RPH3AL: variants seen among roughly 807,000 people sequenced by gnomAD.
RPH3AL encodes the protein rab effector Noc2.
In RPH3AL, 38 loss-of-function variants were observed where a neutral mutation model predicts 43.1. The ratio of observed to expected loss-of-function variants is 0.88; its 90% CI spans 0.68 to 1.15. The LOEUF is 1.15. Ranked by LOEUF, RPH3AL falls within the 50% of genes most tolerant of loss-of-function variation. The probability of loss-of-function intolerance (pLI) is 0.00; values close to 1 mark genes in which losing one functional copy is unlikely to be tolerated. For missense variants in RPH3AL, 462 were observed against 423.2 expected, an observed-to-expected ratio of 1.09 and a Z score of -0.81; for synonymous variants, 189 against 176.3, an observed-to-expected ratio of 1.07 and a Z score of -0.57.
chr17:322,131 C>A lies in RPH3AL; in HGVS notation c.78-716G>T. The A allele has an allele frequency of 6.6e-6, 1 of 152,572 alleles. No individual in the cohort carries two copies. 9.5% of individuals were successfully genotyped at this position (152,572 alleles called of 1,614,324 possible). On this transcript the variant is annotated intron_variant, in intron 3 of 9. Coordinates refer to ENST00000331302, the MANE Select transcript of RPH3AL (RefSeq NM_006987.4). This position sits in a 1 kb window ranked among gnomAD's most constrained non-coding sequence, Gnocchi z 4.0. ...GGTGAGGGCAGGTGAGGGCGGGCAA[C>A]GGCGAGGCAGGGCTGGGACTGGGTC... is the stretch of plus-strand genomic sequence containing the variant.
intron 5 of RPH3AL, among the ~76,000 whole-genome samples, chr17:314,527 TG>T (rs201956209): frequency 1.7e-3 from 225 of 129,530 alleles, no homozygotes; most frequent in African/African-American, 6.6e-3. Flanking sequence ...GTAGTCCCTG[TG>T]ACTCCACCTC....
chr17:284,651 C>T lies in RPH3AL; in HGVS notation c.352-2797G>A, dbSNP rs955233033. On this transcript the variant is annotated intron_variant, in intron 5 of 9. Transcript: ENST00000331302. ...GGCCCGGCAGCCTCTCCATTGCACC[C>T]CACAGGTGCCCTCGCAGCCTGGCCT... Among the ~76,000 whole-genome samples, 6 of 152,260 alleles carry T rather than the reference C, an allele frequency of 3.9e-5. No homozygotes were observed. The East Asian group carries it at 9.7e-4, about 25-fold the overall frequency.
chr17:226,632 G>A (rs1449527721), intron 7 of RPH3AL, among the ~76,000 whole-genome samples: 1 of 152,190 alleles, frequency 6.6e-6, no homozygotes. Flanking sequence ...ACACAAACAC[G>A]GTGTCCCCAA....
intron 5 of RPH3AL, among the ~76,000 whole-genome samples, chr17:312,704 T>C (rs1043670959): frequency 1.3e-5 from 2 of 152,350 alleles, no homozygotes; most frequent in African/African-American, 2.4e-5. Context: ...TCCTGCACTA[T>C]TGCATCCATC....
chr17:248,550 G>C (rs1454151723), intron 6 of RPH3AL, among the ~76,000 whole-genome samples: 2 of 152,184 alleles, frequency 1.3e-5, no homozygotes, highest in African/African-American at 4.8e-5. Flanking sequence ...CCAAAGGCTG[G>C]CAGAGCCCCA....
At position 225,740 on chromosome 17, in the gene RPH3AL, C is replaced by T. The variant is rs2041093332; in HGVS notation, c.614-6004G>A. 6.6e-6 allele frequency among the ~76,000 whole-genome samples: 1 copy of T among 151,856 alleles called. No individual in the cohort carries two copies. Among genetic ancestry groups the T allele is most frequent in the Admixed American group, 6.6e-5 (1 of 15,260 alleles). On this transcript the variant is annotated intron_variant, in intron 7 of 9. Coordinates refer to ENST00000331302, the MANE Select transcript of RPH3AL (RefSeq NM_006987.4). This position sits in a 1 kb window ranked among gnomAD's most constrained non-coding sequence, Gnocchi z 4.4. ...TTCCTGACTTGGAATGTCCCATCTC[C>T]CCCACAGCTAATATGGAAAATCTAC... is the stretch of plus-strand genomic sequence containing the variant.
intron 5 of RPH3AL, among the ~76,000 whole-genome samples, chr17:298,640 G>A (rs914289221): frequency 6.6e-6 from 1 of 152,008 alleles, no homozygotes; most frequent in Non-Finnish European, 1.5e-5. Flanking sequence ...GGGAGGCGGA[G>A]GTTGCAGTGA....
In RPH3AL at chr17:247,229, G is replaced by C; in HGVS notation, c.495C>G (p.Pro165=). ...FYKGLPKYIL[P]LKTPGRADDP... ...CATCAGCTCGGCCAGGGGTCTTCAG[G>C]GGCAAGATATACTTGGGGAGCCCTT... Residue 165 remains proline, a synonymous_variant, in exon 7 of 10, where the codon CCC becomes CCG. Coordinates refer to ENST00000331302, the MANE Select transcript of RPH3AL (RefSeq NM_006987.4). 3 of 1,612,556 alleles carry C rather than the reference G, an allele frequency of 1.9e-6. No homozygotes were observed. Among genetic ancestry groups the C allele is most frequent in the Non-Finnish European group, 2.5e-6 (3 of 1,179,280 alleles).
At chr17:250,261 G>T (rs112731549) in intron 6 of RPH3AL, among the ~76,000 whole-genome samples, 1 of 104,056 alleles carries the variant, frequency 9.6e-6, no homozygotes, top group Non-Finnish European at 2.0e-5. Flanking sequence ...AAGCTCCGTC[G>T]CTGCGGGACC....
intron 7 of RPH3AL, among the ~76,000 whole-genome samples, chr17:236,957 A>G (rs890211246): frequency 3.9e-5 from 6 of 152,134 alleles, no homozygotes; most frequent in Non-Finnish European, 8.8e-5. Flanking sequence ...CTCCTCATCC[A>G]TCATCGACAG....
chr17:306,310 C>G (rs68080097), intron 5 of RPH3AL: 22,383 of 152,076 alleles, frequency 0.15, 2,051 homozygotes, highest in Middle Eastern at 0.23. Context: ...GCCCTCCACG[C>G]AGGCCCCACG....
At chr17:307,975 C>T (rs2043542762) in intron 5 of RPH3AL, among the ~76,000 whole-genome samples, 1 of 152,242 alleles carries the variant, frequency 6.6e-6, no homozygotes, top group Admixed American at 6.5e-5. Flanking sequence ...AAGTCCATTC[C>T]TGCCAGACAG....
intron 6 of RPH3AL, among the ~76,000 whole-genome samples, chr17:269,301 A>T (rs1177387467): frequency 6.6e-6 from 1 of 151,852 alleles, no homozygotes; most frequent in Non-Finnish European, 1.5e-5. Context: ...ACCGTGCCTG[A>T]CCTACTTATT....
chr17:215,547 G>A lies in RPH3AL; in HGVS notation c.876+107C>T. The stretch of plus-strand genomic sequence containing the variant: ...CCGCACAGTGCTTGGTAAACAACAT[G>A]CAGAATTGAAAACGTCACCGACCAG... On this transcript the variant is annotated intron_variant, in intron 9 of 9. Coordinates refer to ENST00000331302, the MANE Select transcript of RPH3AL (RefSeq NM_006987.4). This position sits in a 1 kb window ranked among gnomAD's most constrained non-coding sequence, Gnocchi z 4.1. 3 of 1,043,614 alleles carry A rather than the reference G, an allele frequency of 2.9e-6. No individual in the cohort carries two copies. Among genetic ancestry groups the A allele is most frequent in the Non-Finnish European group, 3.7e-6 (3 of 811,660 alleles). 64.6% of individuals were successfully genotyped at this position (1,043,614 alleles called of 1,614,324 possible).
At chr17:241,640 C>G (rs998841072) in intron 7 of RPH3AL, among the ~76,000 whole-genome samples, 1 of 151,400 alleles carries the variant, frequency 6.6e-6, no homozygotes, top group African/African-American at 2.4e-5. Context: ...ACCCCTTTAT[C>G]AAGTATATGT....
In RPH3AL at chr17:213,932, G is replaced by A; in HGVS notation, c.877-9C>T. The stretch of plus-strand genomic sequence containing the variant: ...CCAGGTGTGTCTTTTACCTTTGGAT[G>A]AGAGAAAAGGCCACCACATGGTGAG... On this transcript the variant is annotated splice_polypyrimidine_tract_variant and intron_variant, in intron 9 of 9. Transcript: ENST00000331302. 5.6e-6 allele frequency: 9 copies of A among 1,609,380 alleles called. No individual in the cohort carries two copies. Among genetic ancestry groups the A allele is most frequent in the Non-Finnish European group, 6.8e-6 (8 of 1,176,936 alleles).
chr17:235,100 C>T (rs2041331819), intron 7 of RPH3AL, among the ~76,000 whole-genome samples: 1 of 152,058 alleles, frequency 6.6e-6, no homozygotes, highest in Non-Finnish European at 1.5e-5. Context: ...AAGACGGGTC[C>T]CGGGTTCAAA....
In RPH3AL at chr17:263,314, G is replaced by A. The variant is rs748387862; in HGVS notation, c.439-16029C>T. 4.1e-4 allele frequency among the ~76,000 whole-genome samples: 63 copies of A among 152,090 alleles called. 1 individual carries two copies. The highest frequency in any genetic ancestry group is 8.9e-4 in the African/African-American group (37 of 41,422). On this transcript the variant is annotated intron_variant, in intron 6 of 9. Transcript: ENST00000331302. ...AAAGAGCCGAAAGTAATAACACAAC[G>A]ATCAACATCAGGGGACAGAGGGGAA...
rs543135904 is a variant in RPH3AL at position 341,748 on chromosome 17, G to T, written c.-212-7814C>A. On this transcript the variant is annotated intron_variant, in intron 1 of 9. Transcript: ENST00000331302. ...AATTTTTTTGAGACGGGGTAATGCC[G>T]TGCTGTTTAGGTTCATCTCAAACTC... 5.9e-5 allele frequency among the ~76,000 whole-genome samples: 9 copies of T among 152,078 alleles called. 1 individual carries two copies. Among genetic ancestry groups the T allele is most frequent in the Admixed American group, 5.9e-4 (9 of 15,272 alleles).
Sources: gnomAD v4.1 joint callset for allele counts (sites outside exome capture counted in the v4.1 genomes callset) on GRCh38, gnomAD v4.1.1 for gene constraint, Gnocchi (gnomAD v3.1) non-coding constraint, MANE v1.5 for transcripts, NCBI Gene and HGNC (gene_info 2026-07-23, HGNC 2026-07-21) for gene names.